The following PRLR variants were observed in gnomAD, a reference collection of about 807,000 sequenced individuals.
PRLR encodes the protein hPRL receptor.
A neutral mutation model predicts 40.2 loss-of-function variants in PRLR; 13 were observed. The ratio of observed to expected loss-of-function variants is 0.32; its 90% CI spans 0.21 to 0.51. PRLR has a LOEUF of 0.51. Ranked by LOEUF, PRLR falls within the 20% of genes least tolerant of loss-of-function variation. The probability of loss-of-function intolerance (pLI) is 0.97; values close to 1 mark genes in which losing one functional copy is unlikely to be tolerated. For synonymous variants in PRLR, 269 were observed against 278.7 expected (o/e 0.97, Z 0.35); for missense variants, 656 against 747.3 (o/e 0.88, Z 1.42).
rs753607131 is a variant in PRLR, at chr5:35,089,534, G to T, written c.70+17C>A. ...CACCCCAGGCAATGAAAGAGAGCGT[G>T]ATAGCCTCTTACTTACCATTCAGAA... On this transcript the variant is annotated intron_variant, in intron 3 of 9. Transcript: ENST00000618457. The T allele has an allele frequency of 6.4e-7, 1 of 1,564,064 alleles. No individual in the cohort carries two copies. Among genetic ancestry groups the T allele is most frequent in the Non-Finnish European group, 8.8e-7 (1 of 1,134,520 alleles).
At chr5:35,191,835 C>A (rs528620191) in intron 1 of PRLR, among the ~76,000 whole-genome samples, 2 of 152,334 alleles carry the variant, frequency 1.3e-5, no homozygotes, top group Admixed American at 1.3e-4. Context: ...TGCACCCTTA[C>A]GATTTCAGCT....
At chr5:35,121,174 T>C (rs1773279147) in intron 1 of PRLR, among the ~76,000 whole-genome samples, 1 of 152,210 alleles carries the variant, frequency 6.6e-6, no homozygotes, top group African/African-American at 2.4e-5. Flanking sequence ...GAGAATCATC[T>C]GTTTCATAAG....
intron 3 of PRLR, among the ~76,000 whole-genome samples, chr5:35,089,123 C>T (rs1191955927): frequency 1.3e-5 from 2 of 152,174 alleles, no homozygotes; most frequent in African/African-American, 2.4e-5. Context: ...GTAACAGCAA[C>T]CTCTTATATC....
chr5:35,100,202 A>C (rs1771791030), intron 2 of PRLR, among the ~76,000 whole-genome samples: 1 of 151,204 alleles, frequency 6.6e-6, no homozygotes, highest in African/African-American at 2.4e-5. Flanking sequence ...AAAAAAAAAA[A>C]GTCAAAATGA....
chr5:35,215,689 C>A (rs562475723), intron 1 of PRLR, among the ~76,000 whole-genome samples: 2 of 151,936 alleles, frequency 1.3e-5, no homozygotes, highest in Non-Finnish European at 2.9e-5. Flanking sequence ...AAGACCCTCA[C>A]CCCTAGGGCA....
At chr5:35,178,566 T>C (rs936207384) in intron 1 of PRLR, among the ~76,000 whole-genome samples, 1 of 152,182 alleles carries the variant, frequency 6.6e-6, no homozygotes, top group Non-Finnish European at 1.5e-5. Context: ...TTACATAAAA[T>C]GTAATGAACA....
chr5:35,115,780 G>A (rs1400609662), intron 2 of PRLR, among the ~76,000 whole-genome samples: 1 of 152,018 alleles, frequency 6.6e-6, no homozygotes, highest in Non-Finnish European at 1.5e-5. Context: ...GATTACCACT[G>A]GGACAGGACT....
At chr5:35,191,798 C>A (rs779055543) in intron 1 of PRLR, among the ~76,000 whole-genome samples, 1 of 152,222 alleles carries the variant, frequency 6.6e-6, no homozygotes, top group Non-Finnish European at 1.5e-5. Flanking sequence ...CTCTGCCCCC[C>A]ACCACGGGTC....
At chr5:35,132,854 A>G (rs1396322164) in intron 1 of PRLR, among the ~76,000 whole-genome samples, 1 of 152,196 alleles carries the variant, frequency 6.6e-6, no homozygotes, top group Admixed American at 6.5e-5. Flanking sequence ...AGGGATGCCC[A>G]GATAGCTGAT....
chr5:35,102,507 T>TCCTCTCCACTCCTCTCCC (rs1561299504), intron 2 of PRLR, among the ~76,000 whole-genome samples: 1 of 119,926 alleles, frequency 8.3e-6, no homozygotes, highest in Non-Finnish European at 1.7e-5. Context: ...ACTCCTCTCC[T>TCCTCTCCACTCCTCTCCC]CTCCTCTCCT....
At position 35,118,048 on chromosome 5, in the gene PRLR, A is replaced by G. The variant is rs1773128930; in HGVS notation, c.-44+13T>C. On this transcript the variant is annotated intron_variant, in intron 2 of 9. Transcript: ENST00000618457. The stretch of plus-strand genomic sequence containing the variant: ...TGGTGTGACCGAGGGGCATGAGAAC[A>G]AGTCCCCCTTACCTTCAGGGTTCAT... The G allele has an allele frequency of 4.1e-6, 4 of 983,554 alleles. No homozygotes were observed. The highest frequency in any genetic ancestry group is 4.8e-6 in the Non-Finnish European group (4 of 827,962). 60.9% of individuals were successfully genotyped at this position (983,554 alleles called of 1,614,324 possible). A position where few individuals can be genotyped will look rare whatever the true frequency, so the allele number is the denominator to read the frequency against.
intron 1 of PRLR, among the ~76,000 whole-genome samples, chr5:35,216,978 T>C (rs2111660182): frequency 6.6e-6 from 1 of 152,226 alleles, no homozygotes; most frequent in African/African-American, 2.4e-5. Flanking sequence ...ATGTCATGAG[T>C]GTAGTAAGTA....
intron 1 of PRLR, among the ~76,000 whole-genome samples, chr5:35,175,800 A>G (rs1310669737): frequency 3.3e-5 from 5 of 152,170 alleles, no homozygotes; most frequent in Non-Finnish European, 7.3e-5. Flanking sequence ...CACTTTCTCT[A>G]GCAACATCCT....
Position 35,062,860 on chromosome 5 carries a change from G to A in PRLR, c.*2229C>T, listed in dbSNP as rs975907807. ...AATGTGAATCTTAAACTACTGATAT[G>A]TTTCTTTTTTTGCCTGCTTACATGC... On this transcript the variant is annotated 3_prime_UTR_variant, in exon 10 of 10. Transcript: ENST00000618457. 2 of 152,158 alleles carry A rather than the reference G, an allele frequency of 1.3e-5. No homozygotes were observed. Among genetic ancestry groups the A allele is most frequent in the Admixed American group, 6.5e-5 (1 of 15,282 alleles). 9.4% of individuals were successfully genotyped at this position (152,158 alleles called of 1,614,324 possible). A position where few individuals can be genotyped will look rare whatever the true frequency, so the allele number is the denominator to read the frequency against.
At chr5:35,144,646 T>C (rs1486404657) in intron 1 of PRLR, among the ~76,000 whole-genome samples, 1 of 60,706 alleles carries the variant, frequency 1.6e-5, no homozygotes, top group Non-Finnish European at 4.6e-5. Flanking sequence ...GTATTTTTAG[T>C]AGAGACAGGG....
chr5:35,097,223 A>G (rs1771587363), intron 2 of PRLR, among the ~76,000 whole-genome samples: 1 of 152,192 alleles, frequency 6.6e-6, no homozygotes, highest in Non-Finnish European at 1.5e-5. Context: ...CAATAAAATC[A>G]GCAAACCCTT....
intron 1 of PRLR, among the ~76,000 whole-genome samples, chr5:35,146,084 G>C (rs974395881): frequency 6.6e-6 from 1 of 152,154 alleles, no homozygotes; most frequent in Non-Finnish European, 1.5e-5. Context: ...TCAAATCTAC[G>C]ATGATGGCAT....
intron 1 of PRLR, among the ~76,000 whole-genome samples, chr5:35,172,945 G>C (rs1347060038): frequency 6.6e-6 from 1 of 152,238 alleles, no homozygotes; most frequent in African/African-American, 2.4e-5. Flanking sequence ...ATATGGATAA[G>C]AAGATGGTTT....
At chr5:35,068,498 T>C (rs1416933338) in intron 8 of PRLR, among the ~76,000 whole-genome samples, 5 of 152,196 alleles carry the variant, frequency 3.3e-5, no homozygotes, top group Non-Finnish European at 5.9e-5. Flanking sequence ...GTTAGTGGAT[T>C]ATCTGGACTA....
Sources: gnomAD v4.1 joint callset for allele counts (sites outside exome capture counted in the v4.1 genomes callset) on GRCh38, gnomAD v4.1.1 for gene constraint, MANE v1.5 for transcripts, NCBI Gene and HGNC (gene_info 2026-07-23, HGNC 2026-07-21) for gene names.